PSD3: variants seen among roughly 807,000 people sequenced by gnomAD.
PSD3 encodes the protein PH and SEC7 domain-containing protein 3.
In PSD3, 49 loss-of-function variants were observed where a neutral mutation model predicts 105.5. That is an observed-to-expected ratio of 0.46 (90% CI 0.37 to 0.59). The LOEUF (loss-of-function observed/expected upper bound fraction) is 0.59, where lower values mean the gene tolerates loss of function less well. PSD3 is among the 20% of genes least tolerant of loss of function. The pLI is 0.00. For missense variants in PSD3, 1,561 were observed against 1,263.8 expected, an observed-to-expected ratio of 1.24 and a Z score of -3.57; for synonymous variants, 557 against 457.8, an observed-to-expected ratio of 1.22 and a Z score of -2.77.
At chr8:18,569,120 G>C (rs912439783) in intron 14 of PSD3, among the ~76,000 whole-genome samples, 5 of 129,044 alleles carry the variant, frequency 3.9e-5, no homozygotes, top group African/African-American at 1.1e-4. Context: ...TGGACATTTG[G>C]GTTGGTTCCA....
intron 9 of PSD3, among the ~76,000 whole-genome samples, chr8:18,715,375 A>T (rs183029796): frequency 4.6e-5 from 7 of 152,352 alleles, no homozygotes; most frequent in Admixed American, 4.6e-4. Flanking sequence ...GATTAAGCAG[A>T]TCTAAGAAAC....
At chr8:18,852,323 C>T (rs900137596) in intron 4 of PSD3, among the ~76,000 whole-genome samples, 6 of 152,178 alleles carry the variant, frequency 3.9e-5, no homozygotes, top group Admixed American at 3.9e-4. Context: ...GCACAGCTAC[C>T]AACTCCTCGA....
At chr8:18,676,293 A>C (rs955468148) in intron 9 of PSD3, among the ~76,000 whole-genome samples, 1 of 152,178 alleles carries the variant, frequency 6.6e-6, no homozygotes, top group South Asian at 2.1e-4. Flanking sequence ...AATACAGTCT[A>C]CTCATAAATG....
chr8:19,034,863 T>G lies in PSD3; in HGVS notation c.324+49343A>C, dbSNP rs148346672. Among the ~76,000 whole-genome samples the G allele has an allele frequency of 4.3e-3, 658 of 152,278 alleles. 4 individuals are homozygous for G. The highest frequency in any genetic ancestry group is 0.015 in the African/African-American group (630 of 41,552). The stretch of plus-strand genomic sequence containing the variant: ...AAGCCCTCCAGATACGTGAAGATAG[T>G]GACTGTCTCTTCTCCCTGCCCTCCC... On this transcript the variant is annotated intron_variant, in intron 1 of 1. Transcript: ENST00000521475.
chr8:18,992,394 T>G (rs570393224), intron 1 of PSD3, among the ~76,000 whole-genome samples: 1 of 152,300 alleles, frequency 6.6e-6, no homozygotes, highest in East Asian at 1.9e-4. Flanking sequence ...ACCCTACAGT[T>G]GTGCTTGGAA....
In PSD3 at chr8:18,544,992, C is replaced by T. The variant is rs115762447; in HGVS notation, c.2929-9034G>A. ...CAAGACCAGGAGTAGAAAGCAGGTGCTTTTACCTTTGAATAACAACACTGT... is the reference window on the plus strand; with the variant it reads ...CAAGACCAGGAGTAGAAAGCAGGTGTTTTTACCTTTGAATAACAACACTGT... On this transcript the variant is annotated intron_variant, in intron 15 of 15. Transcript: ENST00000327040. 2.7e-3 allele frequency among the ~76,000 whole-genome samples: 404 copies of T among 152,272 alleles called. 2 individuals carry two copies. Among genetic ancestry groups the T allele is most frequent in the African/African-American group, 9.3e-3 (388 of 41,538 alleles).
intron 14 of PSD3, among the ~76,000 whole-genome samples, chr8:18,565,239 T>C (rs1226926673): frequency 6.6e-6 from 1 of 152,154 alleles, no homozygotes; most frequent in African/African-American, 2.4e-5. Flanking sequence ...ACTTCTCTGG[T>C]GGGCAGAAAG....
rs1801345187 is a variant in PSD3, at chr8:18,560,718, C to A, written c.2785-4366G>T. 3.3e-5 allele frequency among the ~76,000 whole-genome samples: 5 copies of A among 152,204 alleles called. No individual in the cohort carries two copies. In the South Asian group the frequency reaches 1.0e-3, roughly 32 times the overall value. ...TCATTTACTTATATTAGGGGTTAAT[C>A]CCCAAAGTATATAAGGAACTCAAAA... On this transcript the variant is annotated intron_variant, in intron 14 of 15. Transcript: ENST00000327040.
intron 4 of PSD3, among the ~76,000 whole-genome samples, chr8:18,823,822 C>G (rs1285657368): frequency 6.6e-6 from 1 of 150,878 alleles, no homozygotes; most frequent in Non-Finnish European, 1.5e-5. Context: ...ACACCCCATT[C>G]CATGTTCACA....
At chr8:18,995,811 A>G (rs1826047464) in intron 1 of PSD3, among the ~76,000 whole-genome samples, 1 of 151,898 alleles carries the variant, frequency 6.6e-6, no homozygotes, top group South Asian at 2.1e-4. Context: ...TTCACCATCA[A>G]TAGAAACAGC....
chr8:18,549,630 A>G (rs567470227), intron 15 of PSD3, among the ~76,000 whole-genome samples: 1 of 152,342 alleles, frequency 6.6e-6, no homozygotes, highest in East Asian at 1.9e-4. Context: ...GGGAGACGAC[A>G]ACAGAAAGCT....
intron 9 of PSD3, among the ~76,000 whole-genome samples, chr8:18,750,134 A>G (rs1805351174): frequency 6.6e-6 from 1 of 152,146 alleles, no homozygotes; most frequent in Non-Finnish European, 1.5e-5. Context: ...TCTCCTTCAT[A>G]TTATATCCTA....
At chr8:18,762,262 C>A (rs1194167164) in intron 9 of PSD3, among the ~76,000 whole-genome samples, 1 of 152,024 alleles carries the variant, frequency 6.6e-6, no homozygotes, top group African/African-American at 2.4e-5. Flanking sequence ...TGTGCAGCAT[C>A]TCCTTCCTTC....
chr8:18,993,105 G>T (rs1042846529), intron 1 of PSD3, among the ~76,000 whole-genome samples: 1 of 152,064 alleles, frequency 6.6e-6, no homozygotes, highest in Non-Finnish European at 1.5e-5. Flanking sequence ...ATTAAAATTG[G>T]ATTAAAATCC....
intron 1 of PSD3, among the ~76,000 whole-genome samples, chr8:18,997,563 T>A (rs183305573): frequency 6.6e-6 from 1 of 152,090 alleles, no homozygotes; most frequent in East Asian, 1.9e-4. Context: ...CCATCTTTAT[T>A]TGAAACTCTC....
intron 10 of PSD3, among the ~76,000 whole-genome samples, chr8:18,646,061 A>G (rs1455472680): frequency 6.6e-6 from 1 of 152,178 alleles, no homozygotes; most frequent in Non-Finnish European, 1.5e-5. Flanking sequence ...CTGGTTAGGA[A>G]TGTGAGTATA....
chr8:18,616,740 C>G (rs1805712129), intron 11 of PSD3, among the ~76,000 whole-genome samples: 1 of 148,804 alleles, frequency 6.7e-6, no homozygotes, highest in South Asian at 2.2e-4. Flanking sequence ...TCTCCTGCCT[C>G]AGCCTCCCAA....
intron 9 of PSD3, among the ~76,000 whole-genome samples, chr8:18,750,400 C>A (rs1368461318): frequency 6.6e-6 from 1 of 151,844 alleles, no homozygotes; most frequent in East Asian, 1.9e-4. Context: ...TAAGGTAGCG[C>A]GTCTGGAGTT....
chr8:18,601,279 T>C (rs1225935094), intron 11 of PSD3, among the ~76,000 whole-genome samples: 2 of 152,248 alleles, frequency 1.3e-5, no homozygotes, highest in African/African-American at 4.8e-5. Context: ...GGATTTATTA[T>C]CTTAATACAA....
Sources: gnomAD v4.1 joint callset for allele counts (sites outside exome capture counted in the v4.1 genomes callset) on GRCh38, gnomAD v4.1.1 for gene constraint, MANE v1.5 for transcripts, NCBI Gene and HGNC (gene_info 2026-07-23, HGNC 2026-07-21) for gene names.